The following OSBPL3 variants were observed in gnomAD, a reference collection of about 807,000 sequenced individuals.
The protein encoded by OSBPL3 is oxysterol-binding protein-related protein 3.
A neutral mutation model predicts 120.1 loss-of-function variants in OSBPL3; 65 were observed. That is an observed-to-expected ratio of 0.54 (90% CI 0.44 to 0.67). OSBPL3 has a LOEUF of 0.67. Ranked by LOEUF, OSBPL3 falls within the 30% of genes least tolerant of loss-of-function variation. OSBPL3 has a pLI of 0.00. For missense variants in OSBPL3, 1,004 were observed against 1,082.1 expected, an observed-to-expected ratio of 0.93 and a Z score of 1.01; for synonymous variants, 416 against 402.6, an observed-to-expected ratio of 1.03 and a Z score of -0.40.
At chr7:24,979,824 C>T in intron 1 of OSBPL3, 62 bp downstream of exon 1, 2 of 939,524 alleles carry the variant, frequency 2.1e-6, no homozygotes, top group South Asian at 4.9e-5. Context: ...CCTTCCGAGC[C>T]CGCGCCGCCG....
chr7:24,980,736 C>G, upstream of OSBPL3, among the ~76,000 whole-genome samples: 1 of 151,900 alleles, frequency 6.6e-6, no homozygotes, highest in South Asian at 2.1e-4. Flanking sequence ...AGTGTGAGAC[C>G]CGGGGCTCGG....
intron 1 of OSBPL3, among the ~76,000 whole-genome samples, chr7:24,893,668 C>T (rs919657561): frequency 6.1e-5 from 9 of 147,354 alleles, no homozygotes; most frequent in Middle Eastern, 3.5e-3. Flanking sequence ...AAAAATTAGC[C>T]AGGCACGGTA....
intron 5 of OSBPL3, among the ~76,000 whole-genome samples, chr7:24,866,549 G>A (rs1801348065): frequency 6.6e-6 from 1 of 152,182 alleles, no homozygotes; most frequent in African/African-American, 2.4e-5. Context: ...GCTGAGGTGG[G>A]AGGATCACTT....
chr7:24,816,796 ATCAAG>A (rs879077151), intron 17 of OSBPL3, 108 bp from the exon 18 acceptor site: 7 of 747,154 alleles, frequency 9.4e-6, no homozygotes, highest in South Asian at 9.3e-5. Context: ...CCTCTTCACA[ATCAAG>A]TCAATTATTG....
chr7:24,942,156 CTTTT>C (rs770814036), intron 1 of OSBPL3, among the ~76,000 whole-genome samples: 1 of 145,122 alleles, frequency 6.9e-6, no homozygotes. Context: ...TCTCAAGATG[CTTTT>C]TTTTTTTTTA....
chr7:24,833,983 T>C lies in OSBPL3; in HGVS notation c.1746+503A>G. ...AAGAGGGAGAGAGAAAAAAAGAATA[T>C]TTCTGATGTGAAAACCTCCTCTTGT... On this transcript the variant is annotated intron_variant, in intron 15 of 22. Coordinates refer to ENST00000313367, the MANE Select transcript of OSBPL3 (RefSeq NM_015550.4). This position sits in a 1 kb window ranked among gnomAD's most constrained non-coding sequence, Gnocchi z 4.4. 2.5e-6 allele frequency: 1 copy of C among 407,038 alleles called. No homozygotes were observed. The highest frequency in any genetic ancestry group is 3.3e-6 in the Non-Finnish European group (1 of 301,382). 25.2% of individuals were successfully genotyped at this position (407,038 alleles called of 1,614,324 possible). A position where few individuals can be genotyped will look rare whatever the true frequency, so the allele number is the denominator to read the frequency against.
intron 12 of OSBPL3, among the ~76,000 whole-genome samples, chr7:24,845,619 T>TTA (rs34027898): frequency 0.25 from 37,770 of 149,850 alleles, 5,307 homozygotes; most frequent in Non-Finnish European, 0.32. Context: ...CCCAGTCTAT[T>TTA]ATTTGCCTTA....
intron 19 of OSBPL3, among the ~76,000 whole-genome samples, chr7:24,814,045 A>G (rs2128126038): frequency 6.6e-6 from 1 of 152,296 alleles, no homozygotes; most frequent in East Asian, 1.9e-4. Context: ...TATGGAGAGC[A>G]GAAAATAAAC....
intron 10 of OSBPL3, 34 bp downstream of exon 10, chr7:24,861,579 T>A: frequency 2.7e-6 from 4 of 1,469,894 alleles, no homozygotes; most frequent in Non-Finnish European, 3.7e-6. Flanking sequence ...AACATTTTCA[T>A]CAAACACATT....
chr7:24,841,043 C>T (rs1315052089), intron 13 of OSBPL3, among the ~76,000 whole-genome samples: 2 of 152,148 alleles, frequency 1.3e-5, no homozygotes, highest in Non-Finnish European at 2.9e-5. Flanking sequence ...TATAAAGATT[C>T]TTATTAATTC....
intron 2 of OSBPL3, among the ~76,000 whole-genome samples, chr7:24,890,179 T>C (rs1040892769): frequency 8.5e-5 from 13 of 152,156 alleles, no homozygotes; most frequent in African/African-American, 2.2e-4. Context: ...AGAAAGCAAT[T>C]TGAAAATGAC....
chr7:24,896,945 G>A lies in OSBPL3; in HGVS notation c.-149-4324C>T, dbSNP rs1806218465. Among the ~76,000 whole-genome samples, 1 of 152,060 alleles carries A rather than the reference G, an allele frequency of 6.6e-6. No homozygotes were observed. Among genetic ancestry groups the A allele is most frequent in the Non-Finnish European group, 1.5e-5 (1 of 68,020 alleles). ...AAATTAGCCGAGCATGGTGGTGCAT[G>A]CCTGTAGTCCCAGCTACTCAGGAGG... is the stretch of plus-strand genomic sequence containing the variant. On this transcript the variant is annotated intron_variant, in intron 1 of 22. Coordinates refer to ENST00000313367, the MANE Select transcript of OSBPL3 (RefSeq NM_015550.4). This position sits in a 1 kb window ranked among gnomAD's most constrained non-coding sequence, Gnocchi z 4.4.
At position 24,804,025 on chromosome 7, in the gene OSBPL3, C is replaced by T. The variant is rs12113560; in HGVS notation, c.2567+290G>A. Among the ~76,000 whole-genome samples, 16,205 of 152,154 alleles carry T rather than the reference C, an allele frequency of 0.11. 2,047 individuals carry two copies. Among genetic ancestry groups the T allele is most frequent in the African/African-American group, 0.31 (12,828 of 41,452 alleles). ...GGTGCTGGGACCCAGTTCTGGCAGGCTCCCTGACTGAGGAGCTCCTCTGCA... is the reference window on the plus strand; with the variant it reads ...GGTGCTGGGACCCAGTTCTGGCAGGTTCCCTGACTGAGGAGCTCCTCTGCA... On this transcript the variant is annotated intron_variant, in intron 22 of 22. Transcript: ENST00000313367. This position sits in a 1 kb window ranked among gnomAD's most constrained non-coding sequence, Gnocchi z 5.4.
intron 2 of OSBPL3, among the ~76,000 whole-genome samples, chr7:24,890,314 C>G (rs1248501591): frequency 1.3e-5 from 2 of 152,174 alleles, no homozygotes; most frequent in African/African-American, 4.8e-5. Context: ...AACTGGTACT[C>G]TTCAGTGACG....
At chr7:24,811,421 C>T (rs1022558405) in intron 19 of OSBPL3, among the ~76,000 whole-genome samples, 1 of 152,120 alleles carries the variant, frequency 6.6e-6, no homozygotes, top group Admixed American at 6.6e-5. Flanking sequence ...AACCTCTTAT[C>T]GGATGTATAG....
At chr7:24,928,657 G>A (rs1811403025) in intron 1 of OSBPL3, among the ~76,000 whole-genome samples, 1 of 152,114 alleles carries the variant, frequency 6.6e-6, no homozygotes, top group African/African-American at 2.4e-5. Context: ...CACCCAAAGA[G>A]CTCCCTCATG....
rs1803985812 is a variant in OSBPL3 at position 24,883,213 on chromosome 7, G to C, written c.96+9164C>G. Among the ~76,000 whole-genome samples, 1 of 152,188 alleles carries C rather than the reference G, an allele frequency of 6.6e-6. No individual in the cohort carries two copies. On this transcript the variant is annotated intron_variant, in intron 2 of 22. Coordinates refer to ENST00000313367, the MANE Select transcript of OSBPL3 (RefSeq NM_015550.4). The surrounding 1 kb of genome is among the most constrained non-coding windows in gnomAD (Gnocchi z 5.4). Reference sequence around the variant, plus strand: ...AGGTGATTTAGGGTGATGTGGGCTTGTGAACAGATGCAGTGGAAAACACAG... The same window carrying C: ...AGGTGATTTAGGGTGATGTGGGCTTCTGAACAGATGCAGTGGAAAACACAG...
intron 14 of OSBPL3, among the ~76,000 whole-genome samples, chr7:24,840,253 T>G (rs1273991840): frequency 1.3e-5 from 2 of 152,146 alleles, no homozygotes; most frequent in African/African-American, 2.4e-5. Context: ...ACAACACAGG[T>G]TTGAACCGCA....
intron 16 of OSBPL3, among the ~76,000 whole-genome samples, chr7:24,823,806 C>T (rs1795387858): frequency 6.6e-6 from 1 of 152,190 alleles, no homozygotes; most frequent in Admixed American, 6.5e-5. Flanking sequence ...CTTTGATTAA[C>T]TTCAATGCCC....
Sources: gnomAD v4.1 joint callset for allele counts (sites outside exome capture counted in the v4.1 genomes callset) on GRCh38, gnomAD v4.1.1 for gene constraint, Gnocchi (gnomAD v3.1) non-coding constraint, MANE v1.5 for transcripts, NCBI Gene and HGNC (gene_info 2026-07-23, HGNC 2026-07-21) for gene names.